Variants in PCDHGA3 observed in about 807,000 individuals in gnomAD.
PCDHGA3 encodes the protein protocadherin gamma subfamily A, 3.
Under a neutral mutation model 58.5 loss-of-function variants are expected in PCDHGA3, and 40 were observed. The observed-to-expected ratio is 0.68, with a 90% CI of 0.53 to 0.89. The LOEUF is 0.89. Among genes scored for constraint, PCDHGA3 ranks in the 40% least tolerant of loss-of-function variants. The pLI, the probability that PCDHGA3 is intolerant of heterozygous loss-of-function variation, is 0.00. For missense variants in PCDHGA3, 1,223 were observed against 1,195.9 expected (o/e 1.02, Z -0.33); for synonymous variants, 530 against 525.7 (o/e 1.01, Z -0.11).
chr5:141,397,268 T>A (rs532503951), intron 1 of PCDHGA3, among the ~76,000 whole-genome samples: 2 of 152,298 alleles, frequency 1.3e-5, no homozygotes, highest in South Asian at 4.1e-4. Context: ...CTTAGCTACA[T>A]CATATGGGCA....
chr5:141,410,653 A>G (rs1272999564), intron 1 of PCDHGA3: 9 of 1,589,886 alleles, frequency 5.7e-6, no homozygotes, highest in Non-Finnish European at 7.7e-6. Context: ...TGATTTATCT[A>G]ATAGTCTACT....
chr5:141,405,346 G>C (rs184640789), intron 1 of PCDHGA3: 4 of 1,614,108 alleles, frequency 2.5e-6, no homozygotes, highest in Non-Finnish European at 3.4e-6. Context: ...TTGATTCCAA[G>C]TTTCCTATAG....
chr5:141,345,669 G>T lies in PCDHGA3; in HGVS notation c.1636G>T (p.Val546Leu). Reference protein sequence around the residue: ...DSGNPPLSSNVSLNLFVLDQN... With the variant: ...DSGNPPLSSNLSLNLFVLDQN... ...CGGGAACCCTCCACTCAGCAGCAAC[G>T]TGTCGCTGAACCTGTTCGTGCTGGA... Residue 546 changes from valine (V) to leucine (L), a missense_variant, in exon 1 of 4, where the codon GTG becomes TTG. Transcript: ENST00000253812. 6.2e-7 allele frequency: 1 copy of T among 1,614,204 alleles called. No individual in the cohort carries two copies. Among genetic ancestry groups the T allele is most frequent in the Non-Finnish European group, 8.5e-7 (1 of 1,180,046 alleles).
At chr5:141,387,706 C>T in intron 1 of PCDHGA3, 1 of 992,322 alleles carries the variant, frequency 1.0e-6, no homozygotes. Flanking sequence ...CCAGGGCAGC[C>T]CCAGCTCAGA....
At position 141,371,642 on chromosome 5, in the gene PCDHGA3, A is replaced by G. The variant is rs774578258; in HGVS notation, c.2424+25185A>G. 5.0e-6 allele frequency: 8 copies of G among 1,613,946 alleles called. No individual in the cohort carries two copies. In the Admixed American group the frequency reaches 5.0e-5, roughly 10 times the overall value. ...GAGCCCTGGACCGGGAGCAGATCCC[A>G]GAATACAATGTGACGATCACAGCTA... On this transcript the variant is annotated intron_variant, in intron 1 of 3. Coordinates refer to ENST00000253812, the MANE Select transcript of PCDHGA3 (RefSeq NM_018916.4).
rs369354938 is a variant in PCDHGA3, at chr5:141,404,125, T to C, written c.2424+57668T>C. 7.5e-4 allele frequency: 1,204 copies of C among 1,613,214 alleles called. 1 individual carries two copies. The highest frequency in any genetic ancestry group is 8.4e-4 in the Non-Finnish European group (986 of 1,179,494). On this transcript the variant is annotated intron_variant, in intron 1 of 3. Coordinates refer to ENST00000253812, the MANE Select transcript of PCDHGA3 (RefSeq NM_018916.4). Reference sequence around the variant, plus strand: ...TCTGTTCTATCCAGGAGAATCTATCTTTTACATTAGAAAATTCAGAAGAAG... The same window carrying C: ...TCTGTTCTATCCAGGAGAATCTATCCTTTACATTAGAAAATTCAGAAGAAG...
intron 1 of PCDHGA3, chr5:141,415,086 G>A (rs769093571): frequency 3.1e-6 from 5 of 1,613,554 alleles, no homozygotes; most frequent in South Asian, 1.1e-5. Flanking sequence ...GAGCCCTGCT[G>A]GACAGAGACG....
Position 141,409,216 on chromosome 5 carries a change from T to G in PCDHGA3, c.2424+62759T>G, listed in dbSNP as rs368791778. 9.9e-6 allele frequency: 16 copies of G among 1,613,886 alleles called. No individual in the cohort carries two copies. The African/African-American group carries it at 1.1e-4, about 11-fold the overall frequency. ...AGTGTAAAGTAATCATAGAAATCCT[T>G]GATGAAAACGACAACAGCCCAGAAA... is the stretch of plus-strand genomic sequence containing the variant. On this transcript the variant is annotated intron_variant, in intron 1 of 3. Coordinates refer to ENST00000253812, the MANE Select transcript of PCDHGA3 (RefSeq NM_018916.4).
chr5:141,364,182 A>G (rs1763205286), intron 1 of PCDHGA3: 1 of 942,924 alleles, frequency 1.1e-6, no homozygotes, highest in Non-Finnish European at 1.5e-6. Context: ...TGCTCCCTCC[A>G]TACTAAACAC....
intron 1 of PCDHGA3, chr5:141,366,743 C>CGAGTT: frequency 6.2e-7 from 1 of 1,611,598 alleles, no homozygotes; most frequent in Non-Finnish European, 8.5e-7. Flanking sequence ...AGAAGAACGG[C>CGAGTT]GAGTTCAGGT....
chr5:141,393,300 G>T (rs1357517904), intron 1 of PCDHGA3: 2 of 1,613,882 alleles, frequency 1.2e-6, no homozygotes, highest in Non-Finnish European at 1.7e-6. Context: ...CCCGGATGTG[G>T]GCGTGAACTC....
chr5:141,371,736 A>T (rs777064173), intron 1 of PCDHGA3: 4 of 1,614,042 alleles, frequency 2.5e-6, no homozygotes, highest in Non-Finnish European at 3.4e-6. Context: ...TGTCAACGAC[A>T]ACGTTCCCGT....
rs530001704 is a variant in PCDHGA3, at chr5:141,434,708, ATC to A, written c.2425-60095_2425-60094del. 3.9e-3 allele frequency among the ~76,000 whole-genome samples: 589 copies of A among 152,052 alleles called. 6 individuals are homozygous for A. The highest frequency in any genetic ancestry group is 0.011 in the Admixed American group (170 of 15,250). ...TTGCTGTTAATAAATATGTGGGTAA[ATC>A]TCTGTTCAGGGCTCTCAGCTCTGAA... On this transcript the variant is annotated intron_variant, in intron 1 of 3. Coordinates refer to ENST00000253812, the MANE Select transcript of PCDHGA3 (RefSeq NM_018916.4).
intron 1 of PCDHGA3, chr5:141,395,133 A>G (rs760451747): frequency 1.2e-6 from 2 of 1,614,192 alleles, no homozygotes; most frequent in Non-Finnish European, 8.5e-7. Context: ...TCCCCAGCCC[A>G]ACTACGCAGA....
chr5:141,404,600 CTGTT>C (rs901473063), intron 1 of PCDHGA3: 9 of 1,613,938 alleles, frequency 5.6e-6, no homozygotes, highest in East Asian at 2.2e-5. Flanking sequence ...GTCATTGAGA[CTGTT>C]TGTTTTGGAC....
intron 1 of PCDHGA3, chr5:141,399,170 T>C (rs1159402714): frequency 6.2e-7 from 1 of 1,613,798 alleles, no homozygotes. Flanking sequence ...TTCCATTCTC[T>C]ACTTGAAATG....
Position 141,476,104 on chromosome 5 carries a change from G to A in PCDHGA3, c.2425-18703G>A. 6.3e-7 allele frequency: 1 copy of A among 1,584,700 alleles called. No homozygotes were observed. Among genetic ancestry groups the A allele is most frequent in the Non-Finnish European group, 8.6e-7 (1 of 1,168,500 alleles). On this transcript the variant is annotated intron_variant, in intron 1 of 3. Coordinates refer to ENST00000253812, the MANE Select transcript of PCDHGA3 (RefSeq NM_018916.4). The surrounding 1 kb of genome is among the most constrained non-coding windows in gnomAD (Gnocchi z 7.6). ...GATCTGGACCCCGCTGAGAGGAACTGCTTTTGAGTGAGATGGTCCCAGAGG... is the reference window on the plus strand; with the variant it reads ...GATCTGGACCCCGCTGAGAGGAACTACTTTTGAGTGAGATGGTCCCAGAGG...
chr5:141,441,867 G>T, intron 1 of PCDHGA3: 1 of 345,800 alleles, frequency 2.9e-6, no homozygotes, highest in Non-Finnish European at 5.6e-6. Flanking sequence ...ACGCCGCGGA[G>T]CCTGGCTACC....
intron 1 of PCDHGA3, among the ~76,000 whole-genome samples, chr5:141,481,109 A>G (rs959629019): frequency 6.6e-6 from 1 of 152,186 alleles, no homozygotes; most frequent in Non-Finnish European, 1.5e-5. Flanking sequence ...GGAACCTACC[A>G]ATCCATCATT....
Sources: allele counts gnomAD v4.1 joint callset (sites outside exome capture counted in the v4.1 genomes callset), GRCh38; gene constraint gnomAD v4.1.1; non-coding constraint Gnocchi (gnomAD v3.1); transcripts MANE v1.5; gene names NCBI Gene and HGNC (gene_info 2026-07-23, HGNC 2026-07-21).